CD84: variants seen among roughly 807,000 people sequenced by gnomAD.
CD84 encodes SLAM family member 5.
In CD84, 22 loss-of-function variants were observed where a neutral mutation model predicts 33.8. The observed-to-expected ratio is 0.65, with a 90% CI of 0.46 to 0.93. The LOEUF is 0.93. Among genes scored for constraint, CD84 ranks in the 40% least tolerant of loss-of-function variants. The pLI is 0.00. For missense variants in CD84, 400 were observed against 397.6 expected (o/e 1.01, Z -0.05); for synonymous variants, 154 against 145.2 (o/e 1.06, Z -0.44).
intron 2 of CD84, among the ~76,000 whole-genome samples, chr1:160,554,665 G>A (rs1026123968): frequency 1.1e-4 from 17 of 152,150 alleles, no homozygotes; most frequent in Admixed American, 3.9e-4. Flanking sequence ...CAAAGAAGTC[G>A]CTCGTGTCAT....
At position 160,554,029 on chromosome 1, in the gene CD84, C is replaced by T. The variant is rs1656431541; in HGVS notation, c.506G>A (p.Ser169Asn). ...KEEKNVTYNW[S>N]PLGEEGNVLQ... ...GACATTACCCTCTTCTCCCAGGGGA[C>T]TCCAATTGTATGTCACATTCTTTTC... is the stretch of plus-strand genomic sequence containing the variant. The change falls in exon 3 of 7, where the codon AGT (serine) becomes AAT (asparagine). Residue 169 changes from serine to asparagine, a missense_variant. Coordinates refer to ENST00000368054, the MANE Select transcript of CD84 (RefSeq NM_003874.4). 1 of 1,614,090 alleles carries T rather than the reference C, an allele frequency of 6.2e-7. No homozygotes were observed.
chr1:160,550,398 AGAGGGC>A (rs1656127728), intron 5 of CD84, among the ~76,000 whole-genome samples: 1 of 151,126 alleles, frequency 6.6e-6, no homozygotes, highest in South Asian at 2.1e-4. Context: ...GGGACACAGG[AGAGGGC>A]GATCCAGGGT....
chr1:160,550,013 G>A, intron 5 of CD84, 34 bp from the exon 6 acceptor site: 1 of 1,368,782 alleles, frequency 7.3e-7, no homozygotes, highest in Non-Finnish European at 1.0e-6. Context: ...CAGTGAGGGA[G>A]CCCAGGCCCA....
rs1259019678 is a variant in CD84 at position 160,541,629 on chromosome 1, G to T, written c.*6627C>A. 1.3e-5 allele frequency: 2 copies of T among 152,232 alleles called. No homozygotes were observed. The highest frequency in any genetic ancestry group is 6.5e-5 in the Admixed American group (1 of 15,278). 9.4% of individuals were successfully genotyped at this position (152,232 alleles called of 1,614,324 possible). On this transcript the variant is annotated 3_prime_UTR_variant, in exon 7 of 7. Transcript: ENST00000368054. ...ATGCTTGATGTAGACAGAAGGGAGAGAAGGGCATCCCAGACAACATGGGCA... is the reference window on the plus strand; with the variant it reads ...ATGCTTGATGTAGACAGAAGGGAGATAAGGGCATCCCAGACAACATGGGCA...
At chr1:160,553,834 C>A (rs748377233) in intron 3 of CD84, 61 bp downstream of exon 3, 6 of 1,612,488 alleles carry the variant, frequency 3.7e-6, no homozygotes, top group Non-Finnish European at 5.1e-6. Flanking sequence ...CACGTTCAGA[C>A]CTTGCAGCTC....
At chr1:160,552,660 T>C (rs1656311674) in intron 4 of CD84, 2 of 1,382,688 alleles carry the variant, frequency 1.4e-6, no homozygotes, top group East Asian at 5.0e-5. Context: ...GAACTCCCCA[T>C]CCCTCCCAAT....
At chr1:160,571,518 T>C (rs1998651) in intron 1 of CD84, 74,245 of 152,002 alleles carry the variant, frequency 0.49, 20,229 homozygotes, top group East Asian at 0.68. Flanking sequence ...GACAACTCGA[T>C]GGAAGGCCAG....
chr1:160,546,022 T>G lies in CD84; in HGVS notation c.*2234A>C. ...TTTTTTTCGAGATGGAGTCTCACTCTGTCTCTCCCAGGCTGGAGTGCAGTG... is the reference window on the plus strand; with the variant it reads ...TTTTTTTCGAGATGGAGTCTCACTCGGTCTCTCCCAGGCTGGAGTGCAGTG... On this transcript the variant is annotated 3_prime_UTR_variant, in exon 7 of 7. Transcript: ENST00000368054. 1 of 150,164 alleles carries G rather than the reference T, an allele frequency of 6.7e-6. No homozygotes were observed. Among genetic ancestry groups the G allele is most frequent in the Non-Finnish European group, 1.5e-5 (1 of 67,540 alleles). The allele number at this position is 150,164 out of a possible 1,614,324, so 9.3% of individuals were successfully genotyped here. A position where few individuals can be genotyped will look rare whatever the true frequency, so the allele number is the denominator to read the frequency against.
chr1:160,562,358 G>A (rs896358512), intron 2 of CD84, among the ~76,000 whole-genome samples: 17 of 152,062 alleles, frequency 1.1e-4, no homozygotes, highest in African/African-American at 3.9e-4. Flanking sequence ...AAACAGCACG[G>A]CACTGGTACA....
At chr1:160,569,550 G>T (rs535425586) in intron 1 of CD84, among the ~76,000 whole-genome samples, 1 of 150,886 alleles carries the variant, frequency 6.6e-6, no homozygotes, top group Non-Finnish European at 1.5e-5. Context: ...ACGCACGCAC[G>T]CACGCACGCA....
rs1375046614 is a variant in CD84 at position 160,549,979 on chromosome 1, C to T, written c.859G>A (p.Val287Met). 8 of 1,607,330 alleles carry T rather than the reference C, an allele frequency of 5.0e-6. No individual in the cohort carries two copies. The highest frequency in any genetic ancestry group is 1.7e-5 in the Admixed American group (1 of 59,974). The change falls in exon 6 of 7, where the codon GTG (valine) becomes ATG (methionine). Residue 287 changes from valine (V) to methionine (M), a missense_variant and splice_region_variant. Coordinates refer to ENST00000368054, the MANE Select transcript of CD84 (RefSeq NM_003874.4). ...RIYDEILQSK[V>M]LPSKEEPVNT... ...ACTGGCTCTTCCTTGGAGGGAAGCA[C>T]CTGTAAAACACACATCTTCCCCTCA...
At chr1:160,558,348 C>A (rs1656743746) in intron 2 of CD84, among the ~76,000 whole-genome samples, 1 of 152,070 alleles carries the variant, frequency 6.6e-6, no homozygotes, top group Non-Finnish European at 1.5e-5. Context: ...AAAACTGAGG[C>A]AATTAGGGTC....
intron 2 of CD84, among the ~76,000 whole-genome samples, chr1:160,565,141 G>A (rs1487454351): frequency 2.0e-5 from 3 of 152,108 alleles, no homozygotes; most frequent in Non-Finnish European, 2.9e-5. Context: ...GAAGTGAGTA[G>A]TATGATCATT....
intron 2 of CD84, 42 bp downstream of exon 2, chr1:160,565,362 A>G: frequency 1.4e-6 from 2 of 1,481,202 alleles, no homozygotes; most frequent in Non-Finnish European, 1.8e-6. Flanking sequence ...AAACTTGCAA[A>G]GTAAAAATAA....
At position 160,547,042 on chromosome 1, in the gene CD84, A is replaced by G; in HGVS notation, c.*1214T>C. 1 of 398,566 alleles carries G rather than the reference A, an allele frequency of 2.5e-6. No individual in the cohort carries two copies. The highest frequency in any genetic ancestry group is 4.4e-6 in the Non-Finnish European group (1 of 226,006). The allele number at this position is 398,566 out of a possible 1,614,324, so 24.7% of individuals were successfully genotyped here. A position where few individuals can be genotyped will look rare whatever the true frequency, so the allele number is the denominator to read the frequency against. The stretch of plus-strand genomic sequence containing the variant: ...ACACATAAGGGAAACACTTCCTTAA[A>G]TGATCATATGAATGTCTTGCTCAGT... On this transcript the variant is annotated 3_prime_UTR_variant, in exon 7 of 7. Transcript: ENST00000368054.
At chr1:160,555,122 C>T (rs2102146023) in intron 2 of CD84, among the ~76,000 whole-genome samples, 1 of 150,746 alleles carries the variant, frequency 6.6e-6, no homozygotes, top group East Asian at 1.9e-4. Context: ...GCTCTGTCAC[C>T]CAGGCTGGAG....
At chr1:160,578,747 T>C (rs1274900605) in intron 1 of CD84, among the ~76,000 whole-genome samples, 1 of 152,196 alleles carries the variant, frequency 6.6e-6, no homozygotes, top group Non-Finnish European at 1.5e-5. Flanking sequence ...TAGTTTACTG[T>C]TATGCCATAA....
rs1656177436 is a variant in CD84 at position 160,550,994 on chromosome 1, A to C, written c.802T>G (p.Ser268Ala). Residue 268 changes from serine (S) to alanine (A), a missense_variant, in exon 5 of 7, where the codon TCA (serine) becomes GCA (alanine). Coordinates refer to ENST00000368054, the MANE Select transcript of CD84 (RefSeq NM_003874.4). ...KKTIYTYIMA[S>A]RNTQPAESRI... ...GACTCTGCTGGCTGGGTGTTCCTTG[A>C]AGCCATGATATATGTGTATATGGTT... The C allele has an allele frequency of 1.2e-6, 2 of 1,613,982 alleles. No homozygotes were observed. Among genetic ancestry groups the C allele is most frequent in the African/African-American group, 2.7e-5 (2 of 74,916 alleles).
chr1:160,561,757 GA>G (rs1557977492), intron 2 of CD84, among the ~76,000 whole-genome samples: 1 of 152,098 alleles, frequency 6.6e-6, no homozygotes, highest in Non-Finnish European at 1.5e-5. Flanking sequence ...CCTATATCTA[GA>G]AAACCCCATA....
Sources: allele counts gnomAD v4.1 joint callset (sites outside exome capture counted in the v4.1 genomes callset), GRCh38; gene constraint gnomAD v4.1.1; transcripts MANE v1.5; gene names NCBI Gene and HGNC (gene_info 2026-07-23, HGNC 2026-07-21).